The following SLCO3A1 variants were observed in gnomAD, a reference collection of about 807,000 sequenced individuals.
The protein encoded by SLCO3A1 is PGE1 transporter.
Under a neutral mutation model 63.1 loss-of-function variants are expected in SLCO3A1, and 27 were observed. That is an observed-to-expected ratio of 0.43 (90% confidence interval 0.32 to 0.59). SLCO3A1 has a LOEUF of 0.59. Ranked by LOEUF, SLCO3A1 falls within the 20% of genes least tolerant of loss-of-function variation. The pLI, the probability that SLCO3A1 is intolerant of heterozygous loss-of-function variation, is 0.09. For missense variants in SLCO3A1, 773 were observed against 945.8 expected (o/e 0.82, Z 2.40); for synonymous variants, 473 against 409.9 (o/e 1.15, Z -1.86).
chr15:92,139,096 G>A (rs906182599), intron 7 of SLCO3A1, among the ~76,000 whole-genome samples: 8 of 148,678 alleles, frequency 5.4e-5, no homozygotes, highest in Non-Finnish European at 8.9e-5. Flanking sequence ...CATTCAGTAT[G>A]ATATTGGCTG....
intron 1 of SLCO3A1, among the ~76,000 whole-genome samples, chr15:91,880,996 C>T (rs1264700656): frequency 1.3e-5 from 2 of 152,056 alleles, no homozygotes; most frequent in African/African-American, 2.4e-5. Flanking sequence ...GCTAGCCAGG[C>T]GATATGTCTC....
chr15:91,931,687 T>C (rs1899234211), intron 2 of SLCO3A1, among the ~76,000 whole-genome samples: 1 of 151,928 alleles, frequency 6.6e-6, no homozygotes, highest in African/African-American at 2.4e-5. Flanking sequence ...GTCAGGCTGG[T>C]CTCCAGCTCT....
At chr15:91,855,200 G>T (rs574160250) in intron 1 of SLCO3A1, among the ~76,000 whole-genome samples, 23 of 152,282 alleles carry the variant, frequency 1.5e-4, no homozygotes, top group Non-Finnish European at 2.9e-4. Flanking sequence ...GTATCCTGAT[G>T]CTATGATTAA....
At chr15:92,072,944 C>G (rs1352990838) in intron 2 of SLCO3A1, among the ~76,000 whole-genome samples, 1 of 152,098 alleles carries the variant, frequency 6.6e-6, no homozygotes, top group African/African-American at 2.4e-5. Flanking sequence ...CAACCCAGTA[C>G]AAAAACCTTA....
intron 2 of SLCO3A1, among the ~76,000 whole-genome samples, chr15:91,988,578 T>C (rs2046085409): frequency 6.6e-6 from 1 of 152,066 alleles, no homozygotes; most frequent in South Asian, 2.1e-4. Context: ...CAAAATCCTG[T>C]GGGTCCTTTT....
chr15:91,962,129 G>A (rs1900470299), intron 2 of SLCO3A1, among the ~76,000 whole-genome samples: 2 of 152,264 alleles, frequency 1.3e-5, no homozygotes, highest in South Asian at 4.1e-4. Context: ...CTCAGAAGAT[G>A]CCGCAGACTG....
At chr15:91,881,342 T>G (rs1354026288) in intron 1 of SLCO3A1, among the ~76,000 whole-genome samples, 1 of 152,136 alleles carries the variant, frequency 6.6e-6, no homozygotes, top group Non-Finnish European at 1.5e-5. Flanking sequence ...GTGACAGAAT[T>G]TAAACACCAA....
chr15:91,995,436 A>G (rs2046179189), intron 2 of SLCO3A1, among the ~76,000 whole-genome samples: 1 of 152,228 alleles, frequency 6.6e-6, no homozygotes, highest in African/African-American at 2.4e-5. Flanking sequence ...ATTATATTGG[A>G]CAGCTAGTGT....
At chr15:91,963,127 C>G (rs1305334616) in intron 2 of SLCO3A1, among the ~76,000 whole-genome samples, 1 of 151,984 alleles carries the variant, frequency 6.6e-6, no homozygotes, top group Non-Finnish European at 1.5e-5. Flanking sequence ...TTCAGACCCC[C>G]AATACACCTG....
chr15:92,128,346 T>C lies in SLCO3A1; in HGVS notation c.1374-5T>C. ...AATGGCTTCCGTGTTTCCTTTCTTT[T>C]CCAGCACAGCACCTGGCTCAGCCCT... On this transcript the variant is annotated splice_polypyrimidine_tract_variant and splice_region_variant and intron_variant, in intron 6 of 9. Transcript: ENST00000318445. 1 of 1,613,468 alleles carries C rather than the reference T, an allele frequency of 6.2e-7. No individual in the cohort carries two copies. Among genetic ancestry groups the C allele is most frequent in the Non-Finnish European group, 8.5e-7 (1 of 1,179,814 alleles).
chr15:92,000,217 A>G (rs2046236959), intron 2 of SLCO3A1, among the ~76,000 whole-genome samples: 2 of 152,170 alleles, frequency 1.3e-5, no homozygotes, highest in South Asian at 2.1e-4. Context: ...TATACAAAAC[A>G]TGTATATTTA....
intron 2 of SLCO3A1, among the ~76,000 whole-genome samples, chr15:92,088,979 C>T (rs2047438207): frequency 6.6e-6 from 1 of 151,774 alleles, no homozygotes; most frequent in African/African-American, 2.4e-5. Context: ...CCCTGTGAGT[C>T]CACTTACCCC....
chr15:92,049,685 C>A (rs567227782), intron 2 of SLCO3A1, among the ~76,000 whole-genome samples: 17 of 152,254 alleles, frequency 1.1e-4, no homozygotes, highest in African/African-American at 3.6e-4. Context: ...GTTAATAGCC[C>A]ATGACAAATC....
At position 92,153,128 on chromosome 15, in the gene SLCO3A1, G is replaced by A. The variant is rs533736928; in HGVS notation, c.1753+2114G>A. On this transcript the variant is annotated intron_variant, in intron 9 of 9. Transcript: ENST00000318445. ...GTCTGCCCCAGGAATAATCAACCAG[G>A]TATTACCTAGAATAGTGTTTTTCAA... 3.3e-5 allele frequency among the ~76,000 whole-genome samples: 5 copies of A among 151,956 alleles called. No homozygotes were observed. The South Asian group carries it at 8.3e-4, about 25-fold the overall frequency.
At chr15:91,887,295 A>G (rs1162191318) in intron 1 of SLCO3A1, among the ~76,000 whole-genome samples, 1 of 152,134 alleles carries the variant, frequency 6.6e-6, no homozygotes, top group Non-Finnish European at 1.5e-5. Flanking sequence ...AGAGGGCAGA[A>G]TGGCTTGAGC....
At chr15:92,005,686 TACACCTGACCGCTGAGGGATGCAGAGC>T (rs1383313122) in intron 2 of SLCO3A1, among the ~76,000 whole-genome samples, 2 of 152,180 alleles carry the variant, frequency 1.3e-5, no homozygotes, top group Non-Finnish European at 2.9e-5. Context: ...AGTTTGAGGA[TACACCTGACCGCTGAGGGATGCAGAGC>T]ACACCTACGC....
At chr15:91,905,555 G>T (rs1194950444) in intron 1 of SLCO3A1, among the ~76,000 whole-genome samples, 1 of 150,010 alleles carries the variant, frequency 6.7e-6, no homozygotes, top group Non-Finnish European at 1.5e-5. Context: ...TGGATCCATG[G>T]TCGATCGAAT....
chr15:91,975,050 A>G (rs1200238348), intron 2 of SLCO3A1, among the ~76,000 whole-genome samples: 1 of 152,170 alleles, frequency 6.6e-6, no homozygotes, highest in Non-Finnish European at 1.5e-5. Flanking sequence ...TTCCTGCATC[A>G]TAGGTGTTTT....
In SLCO3A1 at chr15:92,061,687, A is replaced by G. The variant is rs115224729; in HGVS notation, c.647-33194A>G. Among the ~76,000 whole-genome samples, 633 of 152,356 alleles carry G rather than the reference A, an allele frequency of 4.2e-3. 6 individuals are homozygous for G. Among genetic ancestry groups the G allele is most frequent in the African/African-American group, 0.015 (608 of 41,598 alleles). On this transcript the variant is annotated intron_variant, in intron 2 of 9. Coordinates refer to ENST00000318445, the MANE Select transcript of SLCO3A1 (RefSeq NM_013272.4). Reference sequence around the variant, plus strand: ...CACCGTGGTGGAGATGGGGAGCTACAGGAGGTTCCAGGCCCTCAGGAAAGC... The same window carrying G: ...CACCGTGGTGGAGATGGGGAGCTACGGGAGGTTCCAGGCCCTCAGGAAAGC...
Sources: allele counts gnomAD v4.1 joint callset (sites outside exome capture counted in the v4.1 genomes callset), GRCh38; gene constraint gnomAD v4.1.1; transcripts MANE v1.5; gene names NCBI Gene and HGNC (gene_info 2026-07-23, HGNC 2026-07-21).